SNX31: variants seen among roughly 807,000 people sequenced by gnomAD.
SNX31 encodes sorting nexin 31.
SNX31 carries 58 observed loss-of-function variants against 65.4 expected under a neutral mutation model. That is an observed-to-expected ratio of 0.89 (90% CI 0.72 to 1.10). The LOEUF (loss-of-function observed/expected upper bound fraction) is 1.10, where lower values mean the gene tolerates loss of function less well. Ranked by LOEUF, SNX31 falls within the 50% of genes least tolerant of loss-of-function variation. SNX31 has a pLI of 0.00. For missense variants in SNX31, 523 were observed against 529.7 expected (o/e 0.99, Z 0.12); for synonymous variants, 181 against 190.1 (o/e 0.95, Z 0.39).
In SNX31 at chr8:100,575,760, T is replaced by C. The variant is rs1211392111; in HGVS notation, c.1227+1259A>G. On this transcript the variant is annotated intron_variant, in intron 13 of 13. Transcript: ENST00000311812. The surrounding 1 kb of genome is among the most constrained non-coding windows in gnomAD (Gnocchi z 5.1). ...ACTGAGAACTGGTGTTCTAGGATAA[T>C]GGTTCCAATTCTGGTTGTATAATAG... Among the ~76,000 whole-genome samples the C allele has an allele frequency of 6.6e-6, 1 of 152,216 alleles. No homozygotes were observed. Among genetic ancestry groups the C allele is most frequent in the Non-Finnish European group, 1.5e-5 (1 of 68,046 alleles).
In SNX31 at chr8:100,587,950, A is replaced by G. The variant is rs758455530; in HGVS notation, c.1092+916T>C. ...GTAGTTACACAAACCTAGATGGTAT[A>G]GCTTGCTATATACCTAAGCTAGATG... On this transcript the variant is annotated intron_variant, in intron 11 of 13. Transcript: ENST00000311812. Among the ~76,000 whole-genome samples the G allele has an allele frequency of 3.3e-4, 51 of 152,338 alleles. 1 individual carries two copies. Among genetic ancestry groups the G allele is most frequent in the Middle Eastern group, 3.4e-3 (1 of 294 alleles).
intron 2 of SNX31, among the ~76,000 whole-genome samples, chr8:100,637,139 C>T (rs1238519269): frequency 6.6e-6 from 1 of 152,180 alleles, no homozygotes; most frequent in Non-Finnish European, 1.5e-5. Flanking sequence ...TCATATATGA[C>T]CCATGACCAT....
intron 12 of SNX31, among the ~76,000 whole-genome samples, chr8:100,579,330 G>T (rs564505948): frequency 6.6e-6 from 1 of 152,222 alleles, no homozygotes; most frequent in East Asian, 1.9e-4. Context: ...TTATGTACTA[G>T]GGGGAATAAA....
chr8:100,642,280 G>A (rs55772918), intron 2 of SNX31, among the ~76,000 whole-genome samples: 16,548 of 152,106 alleles, frequency 0.11, 1,014 homozygotes, highest in South Asian at 0.21. Context: ...TTCTTTGCAT[G>A]CAATTATTTC....
intron 12 of SNX31, among the ~76,000 whole-genome samples, chr8:100,581,313 A>T (rs1321875718): frequency 8.8e-5 from 11 of 124,680 alleles, no homozygotes; most frequent in African/African-American, 4.7e-4. Context: ...AAAATTTTTT[A>T]TATATCTATA....
Position 100,613,021 on chromosome 8 carries a change from CG to C in SNX31, c.496del (p.Arg166GlyfsTer11). 1 of 1,613,978 alleles carries C rather than the reference CG, an allele frequency of 6.2e-7. No individual in the cohort carries two copies. Among genetic ancestry groups the C allele is most frequent in the East Asian group, 2.2e-5 (1 of 44,870 alleles). The part of the protein sequence containing the change: ...LLGYFGLFLI[R>X]FGKEGKLSVV... Reference sequence around the variant, plus strand: ...AGAGAGCTTGCCCTCCTTGCCAAACCGAATGAGAAAGAGGCCGAAGTAGCCC... The same window carrying C: ...AGAGAGCTTGCCCTCCTTGCCAAACCAATGAGAAAGAGGCCGAAGTAGCCC... On this transcript the variant is annotated frameshift_variant, in exon 6 of 14. Coordinates refer to ENST00000311812, the MANE Select transcript of SNX31 (RefSeq NM_152628.4). LOFTEE classifies it high-confidence loss of function. This position sits in a 1 kb window ranked among gnomAD's most constrained non-coding sequence, Gnocchi z 5.2.
chr8:100,635,952 C>T lies in SNX31; in HGVS notation c.201G>A (p.Met67Ile), dbSNP rs754214183. 1 of 1,614,132 alleles carries T rather than the reference C, an allele frequency of 6.2e-7. No homozygotes were observed. The highest frequency in any genetic ancestry group is 1.1e-5 in the South Asian group (1 of 91,072). ...TCCTCTCATCAGCCATAGCTGTGGTCATTGCCAGATAGTACTTTGGTGGGA... is the reference window on the plus strand; with the variant it reads ...TCCTCTCATCAGCCATAGCTGTGGTTATTGCCAGATAGTACTTTGGTGGGA... ...PPFPPKYYLA[M>I]TTAMADERRD... is the part of the protein sequence containing the mutation. Residue 67 changes from methionine (M) to isoleucine (I), a missense_variant, in exon 3 of 14, where the codon ATG (methionine) becomes ATA (isoleucine). Coordinates refer to ENST00000311812, the MANE Select transcript of SNX31 (RefSeq NM_152628.4).
chr8:100,608,840 C>T (rs1016968561), intron 7 of SNX31, among the ~76,000 whole-genome samples: 2 of 152,206 alleles, frequency 1.3e-5, no homozygotes, highest in African/African-American at 4.8e-5. Context: ...CACATTCAGC[C>T]TCACTCTTGG....
At chr8:100,587,501 C>G (rs1283258545) in intron 11 of SNX31, among the ~76,000 whole-genome samples, 1 of 152,172 alleles carries the variant, frequency 6.6e-6, no homozygotes, top group African/African-American at 2.4e-5. Flanking sequence ...ACCCTGAACA[C>G]ATAATTTTTC....
chr8:100,617,916 C>A (rs542417308), intron 4 of SNX31, among the ~76,000 whole-genome samples, 186 bp from the exon 5 acceptor site: 1 of 151,984 alleles, frequency 6.6e-6, no homozygotes, highest in East Asian at 1.9e-4. Context: ...AGGCACCCAC[C>A]ACCACGTCCA....
intron 8 of SNX31, among the ~76,000 whole-genome samples, chr8:100,601,457 C>A (rs193054977): frequency 7.4e-4 from 113 of 152,144 alleles, no homozygotes; most frequent in African/African-American, 2.7e-3. Context: ...TGGATACTTA[C>A]AAGTCAAGGA....
intron 1 of SNX31, among the ~76,000 whole-genome samples, chr8:100,662,373 C>A (rs1809802271): frequency 6.6e-6 from 1 of 152,182 alleles, no homozygotes; most frequent in Non-Finnish European, 1.5e-5. Flanking sequence ...GGCACTTGTA[C>A]CATGTATTTG....
rs10504999 is a variant in SNX31, at chr8:100,609,385, T to G, written c.612-822A>C. Reference sequence around the variant, plus strand: ...CCTGAGTTTATTCCAATTGCCACTCTGATTAAGTTTTCTTGACACCATCTG... The same window carrying G: ...CCTGAGTTTATTCCAATTGCCACTCGGATTAAGTTTTCTTGACACCATCTG... On this transcript the variant is annotated intron_variant, in intron 7 of 13. Coordinates refer to ENST00000311812, the MANE Select transcript of SNX31 (RefSeq NM_152628.4). The surrounding 1 kb of genome is among the most constrained non-coding windows in gnomAD (Gnocchi z 4.9). Among the ~76,000 whole-genome samples, 1 of 152,168 alleles carries G rather than the reference T, an allele frequency of 6.6e-6. No homozygotes were observed. Among genetic ancestry groups the G allele is most frequent in the African/African-American group, 2.4e-5 (1 of 41,404 alleles).
At chr8:100,637,475 T>C (rs1388398726) in intron 2 of SNX31, among the ~76,000 whole-genome samples, 1 of 152,140 alleles carries the variant, frequency 6.6e-6, no homozygotes, top group Non-Finnish European at 1.5e-5. Context: ...ACAAATACAG[T>C]GAGTATCTGA....
At position 100,580,179 on chromosome 8, in the gene SNX31, A is replaced by T. The variant is rs566293700; in HGVS notation, c.1171-3104T>A. Among the ~76,000 whole-genome samples, 192 of 147,472 alleles carry T rather than the reference A, an allele frequency of 1.3e-3. 1 individual carries two copies. The highest frequency in any genetic ancestry group is 4.6e-3 in the African/African-American group (183 of 40,040). ...TTTAAAAAAAAAAAAAAAAAAAAAC[A>T]GTCTTTTTAAGTCAGAAAATAATTG... On this transcript the variant is annotated intron_variant, in intron 12 of 13. Transcript: ENST00000311812.
intron 1 of SNX31, among the ~76,000 whole-genome samples, chr8:100,654,971 C>A (rs1322285094): frequency 6.6e-6 from 1 of 152,194 alleles, no homozygotes; most frequent in Admixed American, 6.5e-5. Context: ...TGAGATTGTG[C>A]CATTGCACTT....
intron 8 of SNX31, among the ~76,000 whole-genome samples, chr8:100,603,618 GT>G (rs2130957877): frequency 6.6e-6 from 1 of 151,748 alleles, no homozygotes; most frequent in African/African-American, 2.4e-5. Context: ...TGTCTTTTTA[GT>G]AGAGATGGGG....
Position 100,588,793 on chromosome 8 carries a change from T to A in SNX31, c.1092+73A>T, listed in dbSNP as rs2130849727. The A allele has an allele frequency of 8.9e-7, 1 of 1,123,616 alleles. No individual in the cohort carries two copies. Among genetic ancestry groups the A allele is most frequent in the East Asian group, 2.4e-5 (1 of 42,196 alleles). The allele number at this position is 1,123,616 out of a possible 1,614,324, so 69.6% of individuals were successfully genotyped here. A position where few individuals can be genotyped will look rare whatever the true frequency, so the allele number is the denominator to read the frequency against. ...CTGCTCTAGTTGGGTTAGGGTCATG[T>A]GCTTCATCCACCCCAGCAAGCAAGA... On this transcript the variant is annotated intron_variant, in intron 11 of 13. Transcript: ENST00000311812. The surrounding 1 kb of genome is among the most constrained non-coding windows in gnomAD (Gnocchi z 4.8).
chr8:100,597,327 C>T (rs1350069312), intron 9 of SNX31, among the ~76,000 whole-genome samples: 5 of 152,052 alleles, frequency 3.3e-5, no homozygotes, highest in East Asian at 1.9e-4. Flanking sequence ...CTGCAACCTC[C>T]GACTCCCTGG....
Sources: gnomAD v4.1 joint callset for allele counts (sites outside exome capture counted in the v4.1 genomes callset) on GRCh38, gnomAD v4.1.1 for gene constraint, Gnocchi (gnomAD v3.1) non-coding constraint, MANE v1.5 for transcripts, NCBI Gene and HGNC (gene_info 2026-07-23, HGNC 2026-07-21) for gene names.